The following CADPS variants were observed in gnomAD, a reference collection of about 807,000 sequenced individuals.
The protein encoded by CADPS is calcium-dependent secretion activator 1.
In CADPS, 57 loss-of-function variants were observed where a neutral mutation model predicts 167.3. The ratio of observed to expected loss-of-function variants is 0.34; its 90% CI spans 0.28 to 0.42. The LOEUF is 0.42. Among genes scored for constraint, CADPS ranks in the 20% least tolerant of loss-of-function variants. The pLI, the probability that CADPS is intolerant of heterozygous loss-of-function variation, is 1.00. For synonymous variants in CADPS, 676 were observed against 635.3 expected, an observed-to-expected ratio of 1.06 and a Z score of -0.96; for missense variants, 1,414 against 1,738.1, an observed-to-expected ratio of 0.81 and a Z score of 3.32.
intron 3 of CADPS, among the ~76,000 whole-genome samples, chr3:62,685,866 C>T (rs566131939): frequency 2.4e-4 from 36 of 152,216 alleles, no homozygotes; most frequent in African/African-American, 8.4e-4. Context: ...AGGTGGAGCT[C>T]AGGCAGTAAT....
chr3:62,811,537 A>G (rs938103013), intron 1 of CADPS, among the ~76,000 whole-genome samples: 6 of 152,216 alleles, frequency 3.9e-5, no homozygotes, highest in African/African-American at 1.4e-4. Flanking sequence ...GCCGTGCATT[A>G]TAAAGTCTTA....
chr3:62,744,536 T>C (rs2081034960), intron 3 of CADPS, among the ~76,000 whole-genome samples: 1 of 152,184 alleles, frequency 6.6e-6, no homozygotes, highest in African/African-American at 2.4e-5. Context: ...TGGTGAAACG[T>C]GTTCAAAGGT....
At chr3:62,820,678 G>A (rs562363307) in intron 1 of CADPS, among the ~76,000 whole-genome samples, 17 of 152,260 alleles carry the variant, frequency 1.1e-4, no homozygotes, top group African/African-American at 4.1e-4. Flanking sequence ...CTTGAATGCA[G>A]CTGGCACTTT....
At position 62,610,125 on chromosome 3, in the gene CADPS, C is replaced by T. The variant is rs181080477; in HGVS notation, c.1326-17377G>A. Among the ~76,000 whole-genome samples the T allele has an allele frequency of 3.3e-4, 50 of 152,056 alleles. No individual in the cohort carries two copies. The East Asian group carries it at 9.7e-3, about 29-fold the overall frequency. On this transcript the variant is annotated intron_variant, in intron 6 of 29. Coordinates refer to ENST00000383710, the MANE Select transcript of CADPS (RefSeq NM_003716.4). ...AAAAACACACCAGAAAAAAAAACAACAAAAAACAAACAAAAACAAAAAACC... is the reference window on the plus strand; with the variant it reads ...AAAAACACACCAGAAAAAAAAACAATAAAAAACAAACAAAAACAAAAAACC...
chr3:62,490,979 C>G (rs1453017736), intron 21 of CADPS, among the ~76,000 whole-genome samples: 1 of 152,106 alleles, frequency 6.6e-6, no homozygotes, highest in Non-Finnish European at 1.5e-5. Flanking sequence ...TGCCTAGAAC[C>G]CCACCGAACA....
chr3:62,512,759 T>C lies in CADPS; in HGVS notation c.2591A>G (p.Lys864Arg). 3 of 1,602,912 alleles carry C rather than the reference T, an allele frequency of 1.9e-6. No homozygotes were observed. Among genetic ancestry groups the C allele is most frequent in the Non-Finnish European group, 2.6e-6 (3 of 1,172,132 alleles). Reference sequence around the variant, plus strand: ...ATATACAATTGGTTCACCTGCATCCTTTTGATTCTCTATTTGAAAGAGAGA... The same window carrying C: ...ATATACAATTGGTTCACCTGCATCCCTTTGATTCTCTATTTGAAAGAGAGA... ...SEYAKIEENQ[K>R]DAENVGRLIT... Residue 864 changes from lysine to arginine, a missense_variant, in exon 17 of 30, where the codon AAG becomes AGG. By Grantham distance (26) the Lys-to-Arg change is conservative (BLOSUM62 2). Around this residue, in one of 6 missense-constraint regions of CADPS, gnomAD observed 529 missense variants for 629.6 expected, o/e 0.84. Transcript: ENST00000383710.
rs142512689 is a variant in CADPS, at chr3:62,602,779, T to A, written c.1326-10031A>T. Reference sequence around the variant, plus strand: ...ACGTCTCCTCTCCAGGAGTCTGAGATCAAATGTGTCCAAACCTCAGCTTGA... The same window carrying A: ...ACGTCTCCTCTCCAGGAGTCTGAGAACAAATGTGTCCAAACCTCAGCTTGA... On this transcript the variant is annotated intron_variant, in intron 6 of 29. Coordinates refer to ENST00000383710, the MANE Select transcript of CADPS (RefSeq NM_003716.4). This position sits in a 1 kb window ranked among gnomAD's most constrained non-coding sequence, Gnocchi z 4.4. Among the ~76,000 whole-genome samples the A allele has an allele frequency of 6.6e-6, 1 of 152,148 alleles. No homozygotes were observed.
intron 13 of CADPS, among the ~76,000 whole-genome samples, chr3:62,530,278 G>T (rs2073352049): frequency 6.6e-6 from 1 of 151,976 alleles, no homozygotes; most frequent in Non-Finnish European, 1.5e-5. Context: ...TATTTTATTT[G>T]CTCCTTAAAC....
intron 1 of CADPS, among the ~76,000 whole-genome samples, chr3:62,803,088 C>T (rs969165612): frequency 1.1e-4 from 17 of 152,104 alleles, no homozygotes; most frequent in African/African-American, 3.9e-4. Context: ...GCAACCTCCA[C>T]TATTCTGCCT....
At chr3:62,786,831 G>A (rs304209) in intron 1 of CADPS, among the ~76,000 whole-genome samples, 114,315 of 152,092 alleles carry the variant, frequency 0.75, 43,238 homozygotes, top group East Asian at 0.95. Flanking sequence ...ACAAGAGATC[G>A]ACACTAGAAA....
chr3:62,709,981 A>C (rs2083079713), intron 3 of CADPS, among the ~76,000 whole-genome samples: 1 of 151,570 alleles, frequency 6.6e-6, no homozygotes, highest in East Asian at 1.9e-4. Context: ...CATGTTGGCC[A>C]GACTGGATCA....
chr3:62,604,455 G>A (rs951396706), intron 6 of CADPS, among the ~76,000 whole-genome samples: 1 of 152,214 alleles, frequency 6.6e-6, no homozygotes, highest in African/African-American at 2.4e-5. Flanking sequence ...GGCTGAGCCT[G>A]TATTATTTTG....
At chr3:62,461,106 G>A (rs1400944932) in intron 26 of CADPS, among the ~76,000 whole-genome samples, 1 of 152,142 alleles carries the variant, frequency 6.6e-6, no homozygotes, top group Non-Finnish European at 1.5e-5. Flanking sequence ...GAGCTGGGGG[G>A]AGCTTAACCT....
chr3:62,621,709 T>C (rs1447075004), intron 6 of CADPS, among the ~76,000 whole-genome samples: 1 of 151,960 alleles, frequency 6.6e-6, no homozygotes, highest in Non-Finnish European at 1.5e-5. Context: ...TAGTACCCTT[T>C]AGTTATTTTT....
chr3:62,833,700 T>C (rs762503785), intron 1 of CADPS, among the ~76,000 whole-genome samples: 1 of 152,014 alleles, frequency 6.6e-6, no homozygotes. Context: ...AATCCTCCAT[T>C]AGGGGGCATG....
intron 1 of CADPS, among the ~76,000 whole-genome samples, chr3:62,825,933 G>C (rs1054984702): frequency 6.6e-6 from 1 of 152,120 alleles, no homozygotes; most frequent in Admixed American, 6.6e-5. Context: ...GGCATCAGGG[G>C]AGAAGCGAGG....
chr3:62,615,149 AAG>A (rs1380290163), intron 6 of CADPS, among the ~76,000 whole-genome samples: 1 of 152,150 alleles, frequency 6.6e-6, no homozygotes. Flanking sequence ...GTGGTATTGA[AAG>A]AGATTTTCAG....
At chr3:62,513,588 G>A in intron 16 of CADPS, 1 of 1,216,300 alleles carries the variant, frequency 8.2e-7, no homozygotes, top group Non-Finnish European at 1.2e-6. Flanking sequence ...TTGAAATAAT[G>A]AAAACAGAAA....
intron 25 of CADPS, among the ~76,000 whole-genome samples, 179 bp downstream of exon 25, chr3:62,466,160 T>A (rs2059909840): frequency 6.6e-6 from 1 of 152,212 alleles, no homozygotes; most frequent in Admixed American, 6.5e-5. Context: ...CAATTTATCT[T>A]CACACGGCTC....
Sources: gnomAD v4.1 joint callset for allele counts (sites outside exome capture counted in the v4.1 genomes callset) on GRCh38, gnomAD v4.1.1 for gene constraint, gnomAD v4.1.1 regional missense constraint, Gnocchi (gnomAD v3.1) non-coding constraint, MANE v1.5 for transcripts, NCBI Gene and HGNC (gene_info 2026-07-23, HGNC 2026-07-21) for gene names.